ARHGEF3: variants seen among roughly 807,000 people sequenced by gnomAD.
ARHGEF3 encodes Rho guanine nucleotide exchange factor 3.
In ARHGEF3, 28 loss-of-function variants were observed where a neutral mutation model predicts 63.2. The observed-to-expected ratio is 0.44, with a 90% CI of 0.33 to 0.61. ARHGEF3 has a LOEUF of 0.61. Ranked by LOEUF, ARHGEF3 falls within the 20% of genes least tolerant of loss-of-function variation. The pLI is 0.03. For missense variants in ARHGEF3, 533 were observed against 659.3 expected (o/e 0.81, Z 2.10); for synonymous variants, 266 against 254.2 (o/e 1.05, Z -0.44).
At chr3:57,078,655 CGGGACAAGGGCCTCAGGCAGGCT>C (rs1706324120) in intron 1 of ARHGEF3, 1 of 152,302 alleles carries the variant, frequency 6.6e-6, no homozygotes. Flanking sequence ...ATGCAGCCGC[CGGGACAAGGGCCTCAGGCAGGCT>C]GGGACGGCGC....
At chr3:56,994,063 T>TTAAAAAAAAAAAAA (rs1701873844) in intron 2 of ARHGEF3, among the ~76,000 whole-genome samples, 1 of 2,978 alleles carries the variant, frequency 3.4e-4, no homozygotes, top group African/African-American at 6.8e-4. Context: ...AAACTTCGTC[T>TTAAAAAAAAAAAAA]CAAAAAAAAA....
chr3:56,877,553 T>C (rs576249603), intron 4 of ARHGEF3, among the ~76,000 whole-genome samples: 4 of 152,166 alleles, frequency 2.6e-5, no homozygotes, highest in African/African-American at 9.6e-5. Flanking sequence ...TTATTTTTTT[T>C]GTAGAAACAG....
At chr3:56,888,499 T>C (rs1195779790) in intron 3 of ARHGEF3, among the ~76,000 whole-genome samples, 4 of 152,142 alleles carry the variant, frequency 2.6e-5, no homozygotes, top group African/African-American at 7.2e-5. Flanking sequence ...GTGGGCACAA[T>C]AGACCTGCAT....
chr3:56,754,807 C>CCAG (rs1220609831), intron 3 of ARHGEF3, among the ~76,000 whole-genome samples, 174 bp downstream of exon 3: 1 of 152,182 alleles, frequency 6.6e-6, no homozygotes, highest in East Asian at 1.9e-4. Context: ...CCACACCCTC[C>CCAG]CAGCTGGTTT....
intron 3 of ARHGEF3, among the ~76,000 whole-genome samples, chr3:56,916,937 T>C (rs1244097903): frequency 6.6e-6 from 1 of 152,184 alleles, no homozygotes; most frequent in Non-Finnish European, 1.5e-5. Flanking sequence ...AAACCTGGCA[T>C]CTTCTCTTCA....
intron 2 of ARHGEF3, among the ~76,000 whole-genome samples, chr3:56,976,339 G>A (rs9840625): frequency 1.3e-4 from 20 of 151,888 alleles, no homozygotes; most frequent in African/African-American, 4.4e-4. Context: ...CACTGCATCC[G>A]GTCAATTCAT....
In ARHGEF3 at chr3:56,745,426, T is replaced by C; in HGVS notation, c.649A>G (p.Asn217Asp). 1 of 1,614,078 alleles carries C rather than the reference T, an allele frequency of 6.2e-7. No individual in the cohort carries two copies. Among genetic ancestry groups the C allele is most frequent in the Non-Finnish European group, 8.5e-7 (1 of 1,180,028 alleles). The change falls in exon 7 of 10, where the codon AAT becomes GAT. Residue 217 changes from asparagine to aspartate, a missense_variant. Asn to Asp is a conservative substitution (Grantham distance 23). This residue lies in a region of ARHGEF3 where 107 missense variants were observed against 207.9 expected (regional missense o/e 0.51). Transcript: ENST00000296315. ...CLSSYDSYCSNQVAAKALLDH... is the reference protein window; with the variant it reads ...CLSSYDSYCSDQVAAKALLDH... ...AGCAGAGCTTTGGCGGCTACTTGAT[T>C]GCTGCAGTAGCTATCATAGGAGCTG...
intron 4 of ARHGEF3, among the ~76,000 whole-genome samples, chr3:56,832,126 C>G (rs557026114): frequency 3.3e-5 from 5 of 152,342 alleles, no homozygotes; most frequent in African/African-American, 1.2e-4. Context: ...CTGAGCTGGA[C>G]AAGCAGGCAG....
intron 2 of ARHGEF3, among the ~76,000 whole-genome samples, chr3:56,989,858 C>T (rs952963658): frequency 6.6e-5 from 10 of 152,196 alleles, no homozygotes; most frequent in African/African-American, 1.9e-4. Context: ...GCAAGATGTC[C>T]CCATTGTGAA....
chr3:56,835,530 A>T (rs551658732), intron 4 of ARHGEF3, among the ~76,000 whole-genome samples: 1 of 152,308 alleles, frequency 6.6e-6, no homozygotes, highest in African/African-American at 2.4e-5. Context: ...CATTAAAATT[A>T]AATAATTATA....
chr3:56,855,607 T>C lies in ARHGEF3; in HGVS notation c.192+26685A>G, dbSNP rs374544820. 9.3e-5 allele frequency among the ~76,000 whole-genome samples: 14 copies of C among 149,832 alleles called. 2 individuals are homozygous for C. The highest frequency in any genetic ancestry group is 6.0e-4 in the Admixed American group (9 of 14,954). ...CTGAGGCAGGAGAATCGCTTGAACCTGGGGGGCAGAGGTTGCAATGAGCCG... is the reference window on the plus strand; with the variant it reads ...CTGAGGCAGGAGAATCGCTTGAACCCGGGGGGCAGAGGTTGCAATGAGCCG... On this transcript the variant is annotated intron_variant, in intron 4 of 12. Transcript: ENST00000338458.
At chr3:56,947,831 C>T (rs1288674741) in intron 3 of ARHGEF3, among the ~76,000 whole-genome samples, 2 of 152,158 alleles carry the variant, frequency 1.3e-5, no homozygotes, top group Non-Finnish European at 2.9e-5. Context: ...ATACATTCTT[C>T]TCAGCACCAC....
intron 1 of ARHGEF3, among the ~76,000 whole-genome samples, chr3:57,067,264 A>T (rs1002594335): frequency 5.3e-5 from 8 of 151,716 alleles, no homozygotes; most frequent in Non-Finnish European, 1.2e-4. Context: ...ATCCTGGCTA[A>T]CACGGTGAAA....
At chr3:56,807,001 A>T (rs901765205) in intron 4 of ARHGEF3, among the ~76,000 whole-genome samples, 2 of 151,856 alleles carry the variant, frequency 1.3e-5, no homozygotes, top group Non-Finnish European at 1.5e-5. Context: ...TTCCCGCCTC[A>T]GCCTCCTGAG....
At chr3:56,878,549 G>A (rs768316194) in intron 4 of ARHGEF3, among the ~76,000 whole-genome samples, 43 of 152,090 alleles carry the variant, frequency 2.8e-4, no homozygotes, top group Non-Finnish European at 5.3e-4. Context: ...CAATTATTTG[G>A]AGATACGTCA....
Position 56,727,657 on chromosome 3 carries a change from T to C in ARHGEF3, c.*1613A>G, listed in dbSNP as rs2032817978. The C allele has an allele frequency of 6.6e-6, 1 of 152,624 alleles. No homozygotes were observed. The highest frequency in any genetic ancestry group is 1.5e-5 in the Non-Finnish European group (1 of 68,042). 9.5% of individuals were successfully genotyped at this position (152,624 alleles called of 1,614,324 possible). A position where few individuals can be genotyped will look rare whatever the true frequency, so the allele number is the denominator to read the frequency against. On this transcript the variant is annotated 3_prime_UTR_variant, in exon 10 of 10. Coordinates refer to ENST00000296315, the MANE Select transcript of ARHGEF3 (RefSeq NM_019555.3). ...TTCTTGGCTTTCCTCTGCTTCTGTC[T>C]GCAGCAGGTTCACTTGCTGTATCAA...
In ARHGEF3 at chr3:56,969,707, C is replaced by T. The variant is rs550278464; in HGVS notation, c.63-10818G>A. ...AATTGCTTGAACCAGGGACCGAGAT[C>T]GCACCACTGCACTCCAGCCTCGGTG... On this transcript the variant is annotated intron_variant, in intron 2 of 12. Transcript: ENST00000338458. Among the ~76,000 whole-genome samples, 12 of 146,694 alleles carry T rather than the reference C, an allele frequency of 8.2e-5. No homozygotes were observed. In the East Asian group the frequency reaches 2.0e-3, roughly 25 times the overall value.
chr3:56,987,264 T>C (rs966897012), intron 2 of ARHGEF3, among the ~76,000 whole-genome samples: 7 of 152,146 alleles, frequency 4.6e-5, no homozygotes, highest in African/African-American at 1.7e-4. Flanking sequence ...TTATAGTCCA[T>C]ACTTTCTGGA....
chr3:56,841,089 A>C (rs1483874195), intron 4 of ARHGEF3, among the ~76,000 whole-genome samples: 2 of 152,196 alleles, frequency 1.3e-5, no homozygotes, highest in Non-Finnish European at 2.9e-5. Flanking sequence ...CCCCCAGTAG[A>C]TAAATACTCC....
Sources: gnomAD v4.1 joint callset for allele counts (sites outside exome capture counted in the v4.1 genomes callset) on GRCh38, gnomAD v4.1.1 for gene constraint, gnomAD v4.1.1 regional missense constraint, MANE v1.5 for transcripts, NCBI Gene and HGNC (gene_info 2026-07-23, HGNC 2026-07-21) for gene names.